The following NRTN variants were observed in gnomAD, a reference collection of about 807,000 sequenced individuals.
NRTN encodes prepro-neurturin.
In NRTN, 3 loss-of-function variants were observed where a neutral mutation model predicts 7.5. The observed-to-expected ratio is 0.40, with a 90% CI of 0.18 to 1.03. NRTN has a LOEUF of 1.03. Ranked by LOEUF, NRTN falls within the 50% of genes least tolerant of loss-of-function variation. NRTN has a pLI of 0.34. For missense variants in NRTN, 310 were observed against 307.0 expected, an observed-to-expected ratio of 1.01 and a Z score of -0.07; for synonymous variants, 157 against 146.6, an observed-to-expected ratio of 1.07 and a Z score of -0.51.
At chr19:5,809,959 C>G (rs1182080593) in intron 1 of NRTN, among the ~76,000 whole-genome samples, 1 of 152,040 alleles carries the variant, frequency 6.6e-6, no homozygotes, top group Admixed American at 6.6e-5. Context: ...ACACTTGTTA[C>G]TTTTAATTAA....
At chr19:5,823,309 C>T (rs1428482722) in intron 1 of NRTN, among the ~76,000 whole-genome samples, 3 of 151,082 alleles carry the variant, frequency 2.0e-5, no homozygotes, top group African/African-American at 4.9e-5. Context: ...CCCAGCTACT[C>T]GGGGGGCTGA....
At chr19:5,824,998 G>C (rs558191891) in intron 2 of NRTN, among the ~76,000 whole-genome samples, 4 of 152,036 alleles carry the variant, frequency 2.6e-5, no homozygotes, top group Admixed American at 6.5e-5. Context: ...GGCGCAGCAG[G>C]GGGGGCGGTG....
intron 1 of NRTN, among the ~76,000 whole-genome samples, chr19:5,817,945 G>T (rs1016587494): frequency 1.3e-5 from 2 of 151,888 alleles, no homozygotes; most frequent in African/African-American, 2.4e-5. Context: ...GATTACAGGC[G>T]CACACTGCCA....
intron 1 of NRTN, among the ~76,000 whole-genome samples, chr19:5,809,607 C>T (rs1361640146): frequency 2.0e-5 from 3 of 152,184 alleles, no homozygotes; most frequent in East Asian, 1.9e-4. Flanking sequence ...TGGTTACCAC[C>T]GAGTCCCTGG....
At chr19:5,815,808 G>A (rs1473995314) in intron 1 of NRTN, among the ~76,000 whole-genome samples, 11 of 147,618 alleles carry the variant, frequency 7.5e-5, no homozygotes, top group African/African-American at 2.3e-4. Context: ...GCAATGGTGC[G>A]ATCTCGACTC....
At chr19:5,827,710 C>T in intron 2 of NRTN, 39 bp from the exon 3 acceptor site, 1 of 920,028 alleles carries the variant, frequency 1.1e-6, no homozygotes, top group Non-Finnish European at 1.4e-6. Context: ...ACCCCCTGCA[C>T]CCACTGACCC....
In NRTN at chr19:5,824,314, G is replaced by A. The variant is rs760116808; in HGVS notation, c.149G>A (p.Arg50Gln). 6 of 1,604,820 alleles carry A rather than the reference G, an allele frequency of 3.7e-6. No individual in the cohort carries two copies. Among genetic ancestry groups the A allele is most frequent in the Admixed American group, 3.4e-5 (2 of 58,880 alleles). ...CGCCTGCCTCGAACCCTGGACGCCC[G>A]GATTGCCCGCCTGGCCCAGTGTAAG... ...LHRLPRTLDA[R>Q]IARLAQYRAL... Residue 50 changes from arginine to glutamine, a missense_variant, in exon 2 of 3, where the codon CGG becomes CAG. Transcript: ENST00000303212.
intron 1 of NRTN, among the ~76,000 whole-genome samples, chr19:5,821,492 G>A (rs1337362732): frequency 1.3e-5 from 2 of 151,596 alleles, no homozygotes; most frequent in East Asian, 1.9e-4. Context: ...TAGTAGAGAC[G>A]GGGTTTCACC....
chr19:5,812,108 T>A (rs192977868), intron 1 of NRTN, among the ~76,000 whole-genome samples: 1 of 152,004 alleles, frequency 6.6e-6, no homozygotes, highest in East Asian at 1.9e-4. Flanking sequence ...CCTGACCTCG[T>A]GATCCACCCG....
At chr19:5,826,196 T>C (rs1678852) in intron 2 of NRTN, among the ~76,000 whole-genome samples, 27,682 of 152,070 alleles carry the variant, frequency 0.18, 3,219 homozygotes, top group South Asian at 0.31. Context: ...GGCACCTGTA[T>C]TGTATCGGGC....
At chr19:5,825,977 AC>A (rs995758438) in intron 2 of NRTN, among the ~76,000 whole-genome samples, 75 of 152,092 alleles carry the variant, frequency 4.9e-4, no homozygotes, top group African/African-American at 1.8e-3. Flanking sequence ...TACTAAAATT[AC>A]AAAAAAATTA....
At chr19:5,822,122 G>A (rs897937482) in intron 1 of NRTN, among the ~76,000 whole-genome samples, 14 of 151,584 alleles carry the variant, frequency 9.2e-5, no homozygotes, top group African/African-American at 2.9e-4. Context: ...TGTCGTCGCC[G>A]TCCATGGGGG....
intron 2 of NRTN, among the ~76,000 whole-genome samples, chr19:5,827,006 C>T (rs1599640798): frequency 6.6e-6 from 1 of 152,194 alleles, no homozygotes; most frequent in African/African-American, 2.4e-5. Context: ...GTAGCTGCTG[C>T]CACTCCATGG....
chr19:5,823,502 G>C (rs756659225), intron 1 of NRTN, among the ~76,000 whole-genome samples: 1 of 152,180 alleles, frequency 6.6e-6, no homozygotes, highest in Non-Finnish European at 1.5e-5. Context: ...GGACCTATCT[G>C]TGCAAAAGCC....
In NRTN at chr19:5,828,237, C is replaced by T. The variant is rs2057057049; in HGVS notation, c.*64C>T. On this transcript the variant is annotated 3_prime_UTR_variant, in exon 3 of 3. Transcript: ENST00000303212. ...GCCTCGACGGCACCACTGGCCGGCC[C>T]CGCGAAAGACTGCGCGTGCGTAGAG... 2 of 1,498,386 alleles carry T rather than the reference C, an allele frequency of 1.3e-6. No homozygotes were observed. Among genetic ancestry groups the T allele is most frequent in the African/African-American group, 1.4e-5 (1 of 71,196 alleles). The allele number at this position is 1,498,386 out of a possible 1,614,324, so 92.8% of individuals were successfully genotyped here.
intron 1 of NRTN, among the ~76,000 whole-genome samples, chr19:5,817,980 T>C (rs578160359): frequency 4.0e-4 from 61 of 151,674 alleles, no homozygotes; most frequent in African/African-American, 1.4e-3. Context: ...TTTTTCTTTT[T>C]TGAGATGGAG....
chr19:5,810,183 C>G (rs1369368284), intron 1 of NRTN, among the ~76,000 whole-genome samples: 1 of 149,046 alleles, frequency 6.7e-6, no homozygotes, highest in South Asian at 2.1e-4. Context: ...AGGAGAATGG[C>G]GTGAACCCGG....
Position 5,828,134 on chromosome 19 carries a change from G to C in NRTN, c.555G>C (p.Thr185=). Residue 185 remains threonine (T), a synonymous_variant, in exon 3 of 3, where the codon ACG becomes ACC. Coordinates refer to ENST00000303212, the MANE Select transcript of NRTN (RefSeq NM_004558.5). ...SFLDAHSRYH[T]VHELSARECA... ...TGGACGCGCACAGCCGCTACCACAC[G>C]GTGCACGAGCTGTCGGCGCGCGAGT... The C allele has an allele frequency of 6.6e-7, 1 of 1,515,138 alleles. No homozygotes were observed. The highest frequency in any genetic ancestry group is 8.8e-7 in the Non-Finnish European group (1 of 1,138,994). 93.9% of individuals were successfully genotyped at this position (1,515,138 alleles called of 1,614,324 possible).
intron 2 of NRTN, among the ~76,000 whole-genome samples, chr19:5,825,138 G>T (rs1202855606): frequency 2.0e-5 from 3 of 152,096 alleles, no homozygotes; most frequent in Non-Finnish European, 4.4e-5. Context: ...GGTGAGGAGG[G>T]GTGGAGAGAG....
Sources: gnomAD v4.1 joint callset for allele counts (sites outside exome capture counted in the v4.1 genomes callset) on GRCh38, gnomAD v4.1.1 for gene constraint, MANE v1.5 for transcripts, NCBI Gene and HGNC (gene_info 2026-07-23, HGNC 2026-07-21) for gene names.